Variants in FMNL2 observed in about 807,000 individuals in gnomAD.
The protein encoded by FMNL2 is formin like 2, also known as formin-like protein 2.
In FMNL2, 51 loss-of-function variants were observed where a neutral mutation model predicts 130.2. The ratio of observed to expected loss-of-function variants is 0.39; its 90% CI spans 0.31 to 0.49. The LOEUF (loss-of-function observed/expected upper bound fraction) is 0.49. Ranked by LOEUF, FMNL2 falls within the 20% of genes least tolerant of loss-of-function variation. The pLI is 0.85. For missense variants in FMNL2, 977 were observed against 1,316.2 expected (o/e 0.74, Z 3.99); for synonymous variants, 465 against 467.1 (o/e 1.00, Z 0.06).
At chr2:152,621,142 C>G (rs1287103505) in intron 15 of FMNL2, 1 of 985,250 alleles carries the variant, frequency 1.0e-6, no homozygotes, top group Non-Finnish European at 1.2e-6. Flanking sequence ...CCTGGCCACC[C>G]TGATTAGGCA....
intron 1 of FMNL2, among the ~76,000 whole-genome samples, chr2:152,519,684 A>G (rs1454624732): frequency 1.3e-5 from 2 of 152,118 alleles, no homozygotes; most frequent in Non-Finnish European, 2.9e-5. Context: ...AGTTAACCAA[A>G]TTCTCCCGGG....
chr2:152,570,861 C>T (rs112255158), intron 6 of FMNL2, among the ~76,000 whole-genome samples: 1 of 145,680 alleles, frequency 6.9e-6, no homozygotes, highest in Non-Finnish European at 1.5e-5. Flanking sequence ...TTGAATTAAG[C>T]CCTCTGAAAA....
intron 1 of FMNL2, among the ~76,000 whole-genome samples, chr2:152,349,001 A>AT (rs1682308054): frequency 1.4e-5 from 2 of 140,246 alleles, no homozygotes; most frequent in East Asian, 2.0e-4. Flanking sequence ...CGCCCGGCTA[A>AT]TTTTTTGTAT....
At chr2:152,386,277 T>A (rs971928659) in intron 1 of FMNL2, among the ~76,000 whole-genome samples, 1 of 152,182 alleles carries the variant, frequency 6.6e-6, no homozygotes, top group Non-Finnish European at 1.5e-5. Flanking sequence ...TTCACTGTAA[T>A]CCCGGGTGCA....
At chr2:152,474,860 CAG>C (rs2105199805) in intron 1 of FMNL2, among the ~76,000 whole-genome samples, 1 of 152,292 alleles carries the variant, frequency 6.6e-6, no homozygotes, top group African/African-American at 2.4e-5. Flanking sequence ...CAGAGGAGAA[CAG>C]AGTCACAGAG....
intron 15 of FMNL2, among the ~76,000 whole-genome samples, chr2:152,620,781 T>A (rs754905280): frequency 3.9e-5 from 6 of 152,214 alleles, no homozygotes; most frequent in Non-Finnish European, 8.8e-5. Flanking sequence ...GGAGCCCTTT[T>A]GGATGCCCCA....
intron 2 of FMNL2, among the ~76,000 whole-genome samples, chr2:152,538,580 G>A (rs1694135774): frequency 6.6e-6 from 1 of 152,148 alleles, no homozygotes; most frequent in Non-Finnish European, 1.5e-5. Flanking sequence ...GCACCCAGCT[G>A]TATTTTTATG....
At chr2:152,433,212 G>C (rs1020008129) in intron 1 of FMNL2, among the ~76,000 whole-genome samples, 2 of 152,128 alleles carry the variant, frequency 1.3e-5, no homozygotes, top group Admixed American at 1.3e-4. Flanking sequence ...AAATTGCTGT[G>C]TGCCATCAAG....
At chr2:152,364,269 T>TG (rs1579485961) in intron 1 of FMNL2, among the ~76,000 whole-genome samples, 1 of 145,620 alleles carries the variant, frequency 6.9e-6, no homozygotes, top group East Asian at 2.0e-4. Context: ...GTGTTTTTTT[T>TG]TTTTTTTTTT....
chr2:152,367,590 A>G (rs1683632678), intron 1 of FMNL2, among the ~76,000 whole-genome samples: 1 of 152,152 alleles, frequency 6.6e-6, no homozygotes, highest in South Asian at 2.1e-4. Context: ...GAACAGGTTG[A>G]AAGGGGATTG....
intron 3 of FMNL2, among the ~76,000 whole-genome samples, chr2:152,546,946 CTTTTTTT>C (rs34129916): frequency 1.5e-5 from 2 of 135,788 alleles, no homozygotes; most frequent in African/African-American, 2.8e-5. Context: ...TGCCCCCATT[CTTTTTTT>C]TTTTTTTTTT....
chr2:152,462,230 A>T (rs1340867164), intron 1 of FMNL2, among the ~76,000 whole-genome samples: 2 of 152,164 alleles, frequency 1.3e-5, no homozygotes, highest in African/African-American at 4.8e-5. Context: ...AATCTTGTTT[A>T]TTTCAAGTGT....
intron 1 of FMNL2, among the ~76,000 whole-genome samples, chr2:152,431,218 T>C (rs1687475354): frequency 6.6e-6 from 1 of 152,206 alleles, no homozygotes; most frequent in Non-Finnish European, 1.5e-5. Flanking sequence ...ATTAATTCTC[T>C]GTTGCTTCCT....
At chr2:152,605,319 CGT>C (rs58797230) in intron 9 of FMNL2, among the ~76,000 whole-genome samples, 18,154 of 150,766 alleles carry the variant, frequency 0.12, 1,847 homozygotes, top group African/African-American at 0.28. Context: ...TGTGTGTGTG[CGT>C]GTGTGTGTGT....
At chr2:152,350,108 A>G (rs1682391103) in intron 1 of FMNL2, among the ~76,000 whole-genome samples, 1 of 152,100 alleles carries the variant, frequency 6.6e-6, no homozygotes, top group African/African-American at 2.4e-5. Context: ...ATAAAATGGG[A>G]TATGTGAAGT....
chr2:152,583,392 T>C (rs1696895753), intron 9 of FMNL2, among the ~76,000 whole-genome samples: 1 of 152,154 alleles, frequency 6.6e-6, no homozygotes, highest in Non-Finnish European at 1.5e-5. Flanking sequence ...AAGTATGAGT[T>C]AGAAAATAGT....
chr2:152,639,837 C>CGGTGG, intron 23 of FMNL2, 121 bp from the exon 24 acceptor site: 2 of 639,710 alleles, frequency 3.1e-6, no homozygotes, highest in South Asian at 4.4e-5. Flanking sequence ...TGTAGATCTT[C>CGGTGG]TCAACCTTCC....
rs138283445 is a variant in FMNL2, at chr2:152,455,415, AC to A, written c.118-66526del. On this transcript the variant is annotated intron_variant, in intron 1 of 25. Coordinates refer to ENST00000288670, the MANE Select transcript of FMNL2 (RefSeq NM_052905.4). ...AATGAGGAAAGGCACGGGTGAAACCACCAGAGGAAAGTTCCAGCCAGCACAC... is the reference window on the plus strand; with the variant it reads ...AATGAGGAAAGGCACGGGTGAAACCACAGAGGAAAGTTCCAGCCAGCACAC... Among the ~76,000 whole-genome samples the A allele has an allele frequency of 8.9e-3, 1,356 of 152,316 alleles. 26 individuals carry two copies. The highest frequency in any genetic ancestry group is 0.031 in the African/African-American group (1,280 of 41,570).
At chr2:152,456,485 A>T (rs978405211) in intron 1 of FMNL2, among the ~76,000 whole-genome samples, 3 of 152,194 alleles carry the variant, frequency 2.0e-5, no homozygotes, top group Admixed American at 6.5e-5. Flanking sequence ...TATAGGCATG[A>T]GTCACTGTGC....
Sources: gnomAD v4.1 joint callset for allele counts (sites outside exome capture counted in the v4.1 genomes callset) on GRCh38, gnomAD v4.1.1 for gene constraint, MANE v1.5 for transcripts, NCBI Gene and HGNC (gene_info 2026-07-23, HGNC 2026-07-21) for gene names.